LINGO2: variants seen among roughly 807,000 people sequenced by gnomAD.
LINGO2 encodes the protein leucine-rich repeat and immunoglobulin-like domain-containing nogo receptor-interacting protein 2.
Under a neutral mutation model 30.6 loss-of-function variants are expected in LINGO2, and 14 were observed. That is an observed-to-expected ratio of 0.46 (90% CI 0.30 to 0.72). LINGO2 has a LOEUF of 0.72. Ranked by LOEUF, LINGO2 falls within the 30% of genes least tolerant of loss-of-function variation. LINGO2 has a pLI of 0.07. For missense variants in LINGO2, 729 were observed against 751.7 expected (o/e 0.97, Z 0.35); for synonymous variants, 317 against 288.5 (o/e 1.10, Z -1.00).
chr9:28,681,591 A>G, the LINGO2 span, among the ~76,000 whole-genome samples: 1 of 152,110 alleles, frequency 6.6e-6, no homozygotes, highest in Non-Finnish European at 1.5e-5. Context: ...CTCCAAGAAG[A>G]AAAGGGACAG....
chr9:28,108,787 A>T (rs759840423), intron 4 of LINGO2, among the ~76,000 whole-genome samples: 3 of 152,102 alleles, frequency 2.0e-5, no homozygotes, highest in African/African-American at 4.8e-5. Context: ...TATTTAATAC[A>T]TCTACCCTGA....
chr9:28,584,414 T>C (rs747273814), intron 1 of LINGO2, among the ~76,000 whole-genome samples: 1 of 152,058 alleles, frequency 6.6e-6, no homozygotes, highest in Non-Finnish European at 1.5e-5. Context: ...TATTAACACT[T>C]TGTATAATCC....
At chr9:28,350,806 A>G (rs926172328) in intron 3 of LINGO2, among the ~76,000 whole-genome samples, 41 of 151,456 alleles carry the variant, frequency 2.7e-4, no homozygotes, top group Non-Finnish European at 4.4e-4. Context: ...TATCTCTCAG[A>G]CCACAGTGCA....
chr9:28,640,245 C>T (rs751322781), intron 1 of LINGO2, among the ~76,000 whole-genome samples: 2 of 152,002 alleles, frequency 1.3e-5, no homozygotes, highest in Non-Finnish European at 2.9e-5. Context: ...TCTGTGGCTG[C>T]CCGTAACATT....
chr9:28,809,445 C>G, the LINGO2 span, among the ~76,000 whole-genome samples: 1 of 152,074 alleles, frequency 6.6e-6, no homozygotes, highest in Non-Finnish European at 1.5e-5. Context: ...CCTGGGTGAT[C>G]TTTTAAAAAT....
chr9:28,310,320 T>C (rs1331796856), intron 3 of LINGO2, among the ~76,000 whole-genome samples: 3 of 152,030 alleles, frequency 2.0e-5, no homozygotes, highest in Admixed American at 6.6e-5. Flanking sequence ...GGTAAACAAA[T>C]AGTGTTATAT....
chr9:29,124,157 G>A, the LINGO2 span, among the ~76,000 whole-genome samples: 1 of 152,006 alleles, frequency 6.6e-6, no homozygotes, highest in Non-Finnish European at 1.5e-5. Context: ...ACAAGCAATG[G>A]GGAAAGGATT....
chr9:28,086,798 T>C (rs1168940183), intron 4 of LINGO2, among the ~76,000 whole-genome samples: 1 of 152,082 alleles, frequency 6.6e-6, no homozygotes, highest in Non-Finnish European at 1.5e-5. Flanking sequence ...TTTCACGTCA[T>C]CCATCTCAAG....
chr9:28,285,311 G>C (rs551859814), intron 4 of LINGO2, among the ~76,000 whole-genome samples: 101 of 150,528 alleles, frequency 6.7e-4, no homozygotes, highest in African/African-American at 2.4e-3. Context: ...CTCATTTAAT[G>C]CTTACAATTG....
the LINGO2 span, among the ~76,000 whole-genome samples, chr9:29,188,355 G>A: frequency 2.5e-4 from 38 of 151,902 alleles, no homozygotes; most frequent in African/African-American, 9.0e-4. Context: ...AGATCAACAG[G>A]ATCCCAAGGC....
At chr9:28,090,348 C>T (rs1826042297) in intron 4 of LINGO2, among the ~76,000 whole-genome samples, 1 of 152,118 alleles carries the variant, frequency 6.6e-6, no homozygotes, top group East Asian at 1.9e-4. Flanking sequence ...AGCAGCACAT[C>T]AAAAAGCTTA....
intron 1 of LINGO2, among the ~76,000 whole-genome samples, chr9:28,575,302 G>A (rs1169877935): frequency 6.6e-6 from 1 of 151,954 alleles, no homozygotes; most frequent in Non-Finnish European, 1.5e-5. Context: ...GGGAGGCTGA[G>A]GCAGGAGAAT....
At position 28,244,371 on chromosome 9, in the gene LINGO2, C is replaced by T. The variant is rs1407122760; in HGVS notation, c.-87+50837G>A. On this transcript the variant is annotated intron_variant, in intron 4 of 5. Coordinates refer to ENST00000379992, the Ensembl canonical transcript of LINGO2. ...AGCACTAAATGCCCACATCAGAAAG[C>T]TAGAAAGATCTCAAATCGACAGAAC... is the stretch of plus-strand genomic sequence containing the variant. Among the ~76,000 whole-genome samples, 3 of 151,974 alleles carry T rather than the reference C, an allele frequency of 2.0e-5. No individual in the cohort carries two copies. The East Asian group carries it at 5.8e-4, about 29-fold the overall frequency.
chr9:28,624,315 T>A (rs1025849738), intron 1 of LINGO2, among the ~76,000 whole-genome samples: 1 of 152,076 alleles, frequency 6.6e-6, no homozygotes, highest in Non-Finnish European at 1.5e-5. Flanking sequence ...GCATCTGTCA[T>A]GTACAGCTTT....
the LINGO2 span, among the ~76,000 whole-genome samples, chr9:28,747,029 C>T: frequency 6.6e-6 from 1 of 152,118 alleles, no homozygotes; most frequent in East Asian, 1.9e-4. Context: ...CAAAGCCCCA[C>T]CTTCAAGCCT....
the LINGO2 span, among the ~76,000 whole-genome samples, chr9:29,096,528 C>T: frequency 2.9e-5 from 4 of 139,702 alleles, 2 homozygotes; most frequent in Admixed American, 1.5e-4. Context: ...CCAAGTGATC[C>T]GCCCGCCTTG....
intron 2 of LINGO2, among the ~76,000 whole-genome samples, chr9:28,467,037 G>GA (rs1032341012): frequency 6.9e-6 from 1 of 145,800 alleles, no homozygotes; most frequent in South Asian, 2.2e-4. Flanking sequence ...TTTTTTTTTG[G>GA]GGGGGGGGGA....
the LINGO2 span, among the ~76,000 whole-genome samples, chr9:28,948,340 C>T: frequency 3.9e-5 from 6 of 152,046 alleles, no homozygotes; most frequent in African/African-American, 1.2e-4. Flanking sequence ...TAATGAAACA[C>T]ATTTATCTGT....
the LINGO2 span, among the ~76,000 whole-genome samples, chr9:28,905,222 A>T: frequency 6.6e-6 from 1 of 151,156 alleles, no homozygotes; most frequent in East Asian, 2.0e-4. Context: ...AGGAAATAAT[A>T]TTTTGGATAC....
Sources: allele counts gnomAD v4.1 joint callset (sites outside exome capture counted in the v4.1 genomes callset), GRCh38; gene constraint gnomAD v4.1.1; transcripts MANE v1.5; gene names NCBI Gene and HGNC (gene_info 2026-07-23, HGNC 2026-07-21).